ALDH18A1: variants seen among roughly 807,000 people sequenced by gnomAD.
ALDH18A1 encodes the protein aldehyde dehydrogenase 18 family member A1, also known as delta-1-pyrroline-5-carboxylate synthase.
In ALDH18A1, 44 loss-of-function variants were observed where a neutral mutation model predicts 88.8. The observed-to-expected ratio is 0.50, with a 90% CI of 0.39 to 0.64. The LOEUF (loss-of-function observed/expected upper bound fraction) is 0.64. Ranked by LOEUF, ALDH18A1 falls within the 30% of genes least tolerant of loss-of-function variation. ALDH18A1 has a pLI of 0.00. For synonymous variants in ALDH18A1, 331 were observed against 372.1 expected (o/e 0.89, Z 1.27); for missense variants, 782 against 1,009.5 (o/e 0.77, Z 3.05).
At chr10:95,650,695 C>A (rs1433350616) in intron 2 of ALDH18A1, among the ~76,000 whole-genome samples, 2 of 152,268 alleles carry the variant, frequency 1.3e-5, no homozygotes, top group East Asian at 1.9e-4. Context: ...GTGCAGCCTG[C>A]AGAACCATGA....
At position 95,627,397 on chromosome 10, in the gene ALDH18A1, C is replaced by A. The variant is rs759941083; in HGVS notation, c.1078+45G>T. On this transcript the variant is annotated intron_variant, in intron 9 of 17. Transcript: ENST00000371224. ...TGATCTCTAACTAAGCCAGGTGTCA[C>A]TAGTTCCCATCACAGGCCTTGGGAC... The A allele has an allele frequency of 4.3e-6, 7 of 1,611,428 alleles. No individual in the cohort carries two copies. The East Asian group carries it at 1.6e-4, about 36-fold the overall frequency.
chr10:95,616,259 T>C (rs1343976983), intron 13 of ALDH18A1, among the ~76,000 whole-genome samples: 1 of 152,162 alleles, frequency 6.6e-6, no homozygotes, highest in East Asian at 1.9e-4. Flanking sequence ...AAATAAATAG[T>C]GCCAAGACGC....
chr10:95,631,759 A>C (rs960096134), intron 7 of ALDH18A1, among the ~76,000 whole-genome samples: 1 of 151,708 alleles, frequency 6.6e-6, no homozygotes, highest in African/African-American at 2.4e-5. Context: ...AAAAAAAAAA[A>C]AAAAAACAAC....
intron 7 of ALDH18A1, among the ~76,000 whole-genome samples, 171 bp downstream of exon 7, chr10:95,632,788 T>TA (rs1030336296): frequency 3.3e-5 from 5 of 152,212 alleles, no homozygotes; most frequent in African/African-American, 1.2e-4. Context: ...TGACATCTCT[T>TA]AGACTCACCC....
At chr10:95,651,222 A>G (rs2097909922) in intron 2 of ALDH18A1, among the ~76,000 whole-genome samples, 1 of 152,220 alleles carries the variant, frequency 6.6e-6, no homozygotes, top group Non-Finnish European at 1.5e-5. Flanking sequence ...GATGTTCAAT[A>G]TCATTAGCTA....
At chr10:95,622,847 T>G (rs1463396714) in intron 11 of ALDH18A1, among the ~76,000 whole-genome samples, 1 of 152,154 alleles carries the variant, frequency 6.6e-6, no homozygotes, top group Non-Finnish European at 1.5e-5. Context: ...CAGAATTTTT[T>G]TAAAAAACAG....
intron 3 of ALDH18A1, among the ~76,000 whole-genome samples, chr10:95,641,832 G>A (rs888118621): frequency 1.3e-5 from 2 of 151,766 alleles, no homozygotes; most frequent in African/African-American, 4.8e-5. Flanking sequence ...GTAGAGATGG[G>A]GGTCTCACTA....
At chr10:95,645,134 G>T (rs914172401) in intron 2 of ALDH18A1, among the ~76,000 whole-genome samples, 2 of 152,316 alleles carry the variant, frequency 1.3e-5, no homozygotes, top group South Asian at 4.1e-4. Flanking sequence ...CAATCAGTGG[G>T]GGGTAGAGGA....
intron 16 of ALDH18A1, 64 bp from the exon 17 acceptor site, chr10:95,610,356 C>T: frequency 6.5e-7 from 1 of 1,532,506 alleles, no homozygotes; most frequent in South Asian, 1.1e-5. Flanking sequence ...TGTTTCCAGC[C>T]ATTGACTGGT....
chr10:95,606,415 G>A lies in ALDH18A1; in HGVS notation c.*347C>T, dbSNP rs1214818930. The A allele has an allele frequency of 1.7e-6, 2 of 1,160,058 alleles. No homozygotes were observed. The highest frequency in any genetic ancestry group is 1.1e-4 in the East Asian group (2 of 17,958). The allele number at this position is 1,160,058 out of a possible 1,614,324, so 71.9% of individuals were successfully genotyped here. ...TGACTGGCTCTAGTACCAACTAAAT[G>A]CCAAGGGGGACTGTAAGTCACTGAG... On this transcript the variant is annotated 3_prime_UTR_variant, in exon 18 of 18. Coordinates refer to ENST00000371224, the MANE Select transcript of ALDH18A1 (RefSeq NM_002860.4).
intron 3 of ALDH18A1, among the ~76,000 whole-genome samples, chr10:95,639,473 T>C (rs2097887325): frequency 6.6e-6 from 1 of 152,080 alleles, no homozygotes; most frequent in African/African-American, 2.4e-5. Context: ...ATAACCCCTC[T>C]ATACCCTCAC....
chr10:95,637,012 A>T, intron 5 of ALDH18A1, 81 bp downstream of exon 5: 1 of 1,285,598 alleles, frequency 7.8e-7, no homozygotes, highest in Non-Finnish European at 1.1e-6. Flanking sequence ...ACCATATTCC[A>T]ATAGTCTGGC....
intron 10 of ALDH18A1, 84 bp downstream of exon 10, chr10:95,626,619 T>G: frequency 1.6e-6 from 2 of 1,271,120 alleles, no homozygotes; most frequent in South Asian, 2.4e-5. Context: ...GGAATAAAGA[T>G]GGAGTCAGCA....
chr10:95,628,654 C>T, intron 7 of ALDH18A1, 162 bp from the exon 8 acceptor site: 1 of 755,226 alleles, frequency 1.3e-6, no homozygotes, highest in Non-Finnish European at 2.2e-6. Flanking sequence ...GGATTCGACA[C>T]TGACAAACAT....
intron 11 of ALDH18A1, 91 bp from the exon 12 acceptor site, chr10:95,621,342 C>CA: frequency 2.0e-6 from 2 of 1,014,856 alleles, no homozygotes; most frequent in Admixed American, 4.4e-5. Flanking sequence ...TTTTTTGAGA[C>CA]AGGGTCTCAC....
At chr10:95,629,175 GAA>G (rs1409784002) in intron 7 of ALDH18A1, among the ~76,000 whole-genome samples, 1 of 152,116 alleles carries the variant, frequency 6.6e-6, no homozygotes, top group African/African-American at 2.4e-5. Context: ...ATTTCACTTT[GAA>G]AAAGAGTAAG....
chr10:95,620,224 C>T (rs2097850060), intron 12 of ALDH18A1, among the ~76,000 whole-genome samples: 2 of 152,148 alleles, frequency 1.3e-5, no homozygotes. Context: ...CAAATCAAAA[C>T]CACAATGAGA....
chr10:95,639,521 AT>A lies in ALDH18A1; in HGVS notation c.304-2086del, dbSNP rs571024277. ...ACAAATTCCAGGCAACAGACATGTT[AT>A]TTCATCTGTAAATAGCTCAGTAATA... is the stretch of plus-strand genomic sequence containing the variant. On this transcript the variant is annotated intron_variant, in intron 3 of 17. Coordinates refer to ENST00000371224, the MANE Select transcript of ALDH18A1 (RefSeq NM_002860.4). Among the ~76,000 whole-genome samples, 9 of 151,954 alleles carry A rather than the reference AT, an allele frequency of 5.9e-5. No individual in the cohort carries two copies. The South Asian group carries it at 1.7e-3, about 28-fold the overall frequency.
chr10:95,612,127 G>GTGGGTTATCAACACA (rs2097836088), intron 15 of ALDH18A1, among the ~76,000 whole-genome samples: 1 of 152,192 alleles, frequency 6.6e-6, no homozygotes, highest in Admixed American at 6.5e-5. Context: ...TGGAAAAAGG[G>GTGGGTTATCAACACA]AGGTGCCACA....
Sources: gnomAD v4.1 joint callset for allele counts (sites outside exome capture counted in the v4.1 genomes callset) on GRCh38, gnomAD v4.1.1 for gene constraint, MANE v1.5 for transcripts, NCBI Gene and HGNC (gene_info 2026-07-23, HGNC 2026-07-21) for gene names.